TASP1: variants seen among roughly 807,000 people sequenced by gnomAD.
TASP1 encodes the protein taspase 1.
TASP1 carries 16 observed loss-of-function variants against 56.6 expected under a neutral mutation model. That is an observed-to-expected ratio of 0.28 (90% CI 0.19 to 0.43). TASP1 has a LOEUF of 0.43. Ranked by LOEUF, TASP1 falls within the 20% of genes least tolerant of loss-of-function variation. The probability of loss-of-function intolerance (pLI) is 1.00; values close to 1 mark genes in which losing one functional copy is unlikely to be tolerated. For synonymous variants in TASP1, 179 were observed against 184.2 expected (o/e 0.97, Z 0.23); for missense variants, 393 against 511.6 (o/e 0.77, Z 2.24).
intron 7 of TASP1, among the ~76,000 whole-genome samples, chr20:13,565,712 T>C (rs1402868872): frequency 6.6e-6 from 1 of 152,074 alleles, no homozygotes; most frequent in Non-Finnish European, 1.5e-5. Flanking sequence ...TTGGTAAGGG[T>C]ATGGAGAAAC....
At chr20:13,169,285 T>G in the TASP1 span, among the ~76,000 whole-genome samples, 1 of 152,124 alleles carries the variant, frequency 6.6e-6, no homozygotes, top group African/African-American at 2.4e-5. Flanking sequence ...ATTGGTAGCT[T>G]GAAATTGGCC....
chr20:13,320,484 A>T, the TASP1 span, among the ~76,000 whole-genome samples: 81 of 152,338 alleles, frequency 5.3e-4, no homozygotes, highest in African/African-American at 1.8e-3. Flanking sequence ...GAAGTATAGG[A>T]CAGATATTAG....
the TASP1 span, among the ~76,000 whole-genome samples, chr20:13,199,213 C>T: frequency 2.6e-5 from 4 of 151,936 alleles, no homozygotes; most frequent in East Asian, 7.7e-4. Context: ...CTCTTGTTTT[C>T]CTTTTTTTTG....
At chr20:13,393,178 G>GT (rs2123580292) in intron 13 of TASP1, 1 of 689,258 alleles carries the variant, frequency 1.5e-6, no homozygotes, top group East Asian at 3.0e-5. Flanking sequence ...GACAACTTTG[G>GT]TATCATGGAA....
chr20:13,521,110 A>G (rs1003359455), intron 10 of TASP1, among the ~76,000 whole-genome samples: 71 of 152,308 alleles, frequency 4.7e-4, no homozygotes, highest in South Asian at 3.3e-3. Flanking sequence ...TGATCATTAA[A>G]AAGTCAGGAA....
chr20:13,467,357 A>AT (rs2044301563), intron 11 of TASP1, among the ~76,000 whole-genome samples: 1 of 152,030 alleles, frequency 6.6e-6, no homozygotes. Flanking sequence ...CTAAGACTAC[A>AT]AATAGTAATT....
the TASP1 span, among the ~76,000 whole-genome samples, chr20:13,322,284 C>T: frequency 0.033 from 5,066 of 152,272 alleles, 132 homozygotes; most frequent in Middle Eastern, 0.099. Context: ...GTTTGTGCTG[C>T]ATCTCCTGGG....
the TASP1 span, among the ~76,000 whole-genome samples, chr20:13,245,822 G>A: frequency 6.6e-6 from 1 of 152,066 alleles, no homozygotes; most frequent in Non-Finnish European, 1.5e-5. Context: ...AGATACTGAG[G>A]AACTCCATAT....
intron 12 of TASP1, among the ~76,000 whole-genome samples, chr20:13,429,615 A>AGTGT (rs36104978): frequency 1.5e-4 from 23 of 148,586 alleles, no homozygotes; most frequent in African/African-American, 3.7e-4. Context: ...GGTGTGTGTG[A>AGTGT]GTGTGTGTGT....
At chr20:13,578,681 G>GC (rs2047013241) in intron 6 of TASP1, among the ~76,000 whole-genome samples, 2 of 152,026 alleles carry the variant, frequency 1.3e-5, no homozygotes, top group Admixed American at 1.3e-4. Flanking sequence ...GTAGTCAATT[G>GC]CCCCAACACA....
the TASP1 span, chr20:13,299,601 C>A: frequency 1.2e-6 from 1 of 823,142 alleles, no homozygotes; most frequent in Non-Finnish European, 1.9e-6. The surrounding 1 kb of genome is among the most constrained non-coding windows in gnomAD (Gnocchi z 5.8). Context: ...TCATACATTA[C>A]GCTAGGGGCG....
chr20:13,448,305 C>T (rs73610482), intron 11 of TASP1, among the ~76,000 whole-genome samples: 1 of 151,964 alleles, frequency 6.6e-6, no homozygotes, highest in East Asian at 1.9e-4. Context: ...TGCATCTGTA[C>T]CTAGATTATC....
chr20:13,227,128 C>G, the TASP1 span, among the ~76,000 whole-genome samples: 1 of 152,120 alleles, frequency 6.6e-6, no homozygotes, highest in African/African-American at 2.4e-5. Context: ...CTCTTTCTTC[C>G]TTTTAGAATT....
the TASP1 span, among the ~76,000 whole-genome samples, chr20:13,204,999 G>C: frequency 6.6e-6 from 1 of 152,062 alleles, no homozygotes; most frequent in Admixed American, 6.5e-5. Context: ...GACCTTGTGG[G>C]GTACCTATGT....
intron 13 of TASP1, among the ~76,000 whole-genome samples, chr20:13,394,591 G>T (rs181710719): frequency 6.6e-6 from 1 of 151,364 alleles, no homozygotes; most frequent in Non-Finnish European, 1.5e-5. Context: ...CAGCCTGGGC[G>T]ACAGAGCGAG....
the TASP1 span, among the ~76,000 whole-genome samples, chr20:13,235,194 G>C: frequency 6.6e-6 from 1 of 152,154 alleles, no homozygotes; most frequent in African/African-American, 2.4e-5. Context: ...CTATGGATTG[G>C]GTCTAGGTTT....
the TASP1 span, among the ~76,000 whole-genome samples, chr20:13,336,026 C>A: frequency 6.6e-6 from 1 of 152,196 alleles, no homozygotes; most frequent in Non-Finnish European, 1.5e-5. Context: ...AGGTGCATCA[C>A]TGAGAAATCT....
intron 8 of TASP1, among the ~76,000 whole-genome samples, chr20:13,541,511 C>T (rs1280115636): frequency 1.6e-4 from 25 of 152,108 alleles, no homozygotes; most frequent in Non-Finnish European, 1.3e-4. Flanking sequence ...CACACACAAG[C>T]ACACCTAATC....
chr20:13,496,595 A>G (rs1189479150), intron 10 of TASP1, among the ~76,000 whole-genome samples: 2 of 152,158 alleles, frequency 1.3e-5, no homozygotes, highest in Non-Finnish European at 2.9e-5. Flanking sequence ...GTTCTACCCA[A>G]AAACAAGAAA....
Sources: allele counts gnomAD v4.1 joint callset (sites outside exome capture counted in the v4.1 genomes callset), GRCh38; gene constraint gnomAD v4.1.1; non-coding constraint Gnocchi (gnomAD v3.1); transcripts MANE v1.5; gene names NCBI Gene and HGNC (gene_info 2026-07-23, HGNC 2026-07-21).